Variants in FGF12 observed in about 807,000 individuals in gnomAD.
FGF12 encodes fibroblast growth factor 12B.
FGF12 carries 14 observed loss-of-function variants against 23.6 expected under a neutral mutation model. The observed-to-expected ratio is 0.59, with a 90% CI of 0.39 to 0.93. FGF12 has a LOEUF of 0.93. FGF12 is among the 40% of genes least tolerant of loss of function. FGF12 has a pLI of 0.00. For missense variants in FGF12, 175 were observed against 217.8 expected (o/e 0.80, Z 1.24); for synonymous variants, 62 against 77.3 (o/e 0.80, Z 1.04).
At chr3:192,538,781 T>A (rs1725295741) in intron 2 of FGF12, among the ~76,000 whole-genome samples, 1 of 152,244 alleles carries the variant, frequency 6.6e-6, no homozygotes, top group Non-Finnish European at 1.5e-5. Context: ...ACATGGAATA[T>A]CTTTTCATTT....
chr3:192,237,701 T>C (rs1369757365), intron 4 of FGF12, among the ~76,000 whole-genome samples: 2 of 152,216 alleles, frequency 1.3e-5, no homozygotes, highest in Non-Finnish European at 2.9e-5. Flanking sequence ...TGTTTCTTTC[T>C]TAAAATGGAT....
chr3:192,706,484 G>C (rs1718476147), intron 2 of FGF12, among the ~76,000 whole-genome samples: 1 of 152,026 alleles, frequency 6.6e-6, no homozygotes, highest in Admixed American at 6.6e-5. Flanking sequence ...TCCCCGCCCA[G>C]TGCCACTTCC....
chr3:192,707,112 C>T (rs574084870), intron 2 of FGF12, among the ~76,000 whole-genome samples: 1 of 152,322 alleles, frequency 6.6e-6, no homozygotes, highest in East Asian at 1.9e-4. Context: ...TGAAACATCT[C>T]TAACCTCAGG....
chr3:192,276,020 G>A (rs909109153), intron 4 of FGF12, among the ~76,000 whole-genome samples: 4 of 152,122 alleles, frequency 2.6e-5, no homozygotes, highest in African/African-American at 9.7e-5. Context: ...AACACCTACT[G>A]ATAAGGGATG....
At chr3:192,259,107 A>G (rs1712585771) in intron 4 of FGF12, among the ~76,000 whole-genome samples, 1 of 152,126 alleles carries the variant, frequency 6.6e-6, no homozygotes, top group African/African-American at 2.4e-5. Context: ...TCCTGTGTCA[A>G]TTCATTATAC....
chr3:192,621,494 T>G (rs1383497879), intron 2 of FGF12, among the ~76,000 whole-genome samples: 2 of 152,104 alleles, frequency 1.3e-5, no homozygotes, highest in East Asian at 3.9e-4. Flanking sequence ...GTCCCTCACT[T>G]TCCTCATAGC....
At chr3:192,290,505 T>C (rs530390681) in intron 4 of FGF12, among the ~76,000 whole-genome samples, 7 of 152,206 alleles carry the variant, frequency 4.6e-5, no homozygotes, top group East Asian at 1.9e-4. Context: ...CAAGTTACAA[T>C]GGTTAAGGGC....
chr3:192,325,442 A>T (rs1716767596), intron 4 of FGF12, among the ~76,000 whole-genome samples: 1 of 152,184 alleles, frequency 6.6e-6, no homozygotes, highest in African/African-American at 2.4e-5. Flanking sequence ...AGGCATCATT[A>T]AGTTCAAATT....
intron 2 of FGF12, among the ~76,000 whole-genome samples, chr3:192,656,663 G>A (rs1267727012): frequency 6.6e-6 from 1 of 152,114 alleles, no homozygotes; most frequent in African/African-American, 2.4e-5. Flanking sequence ...TACATATCCA[G>A]TAACAATGCC....
intron 2 of FGF12, among the ~76,000 whole-genome samples, chr3:192,399,934 G>A (rs1424510414): frequency 5.3e-5 from 8 of 152,242 alleles, no homozygotes; most frequent in African/African-American, 1.9e-4. Context: ...TGTTCAGGGT[G>A]AGGAGTGGTG....
chr3:192,507,501 T>C (rs767801599), intron 2 of FGF12, among the ~76,000 whole-genome samples: 4 of 152,162 alleles, frequency 2.6e-5, no homozygotes, highest in African/African-American at 4.8e-5. Context: ...TTTCCTAATT[T>C]GTCTTCTATA....
intron 2 of FGF12, among the ~76,000 whole-genome samples, chr3:192,513,881 C>T (rs1036726048): frequency 1.3e-5 from 2 of 152,100 alleles, no homozygotes; most frequent in African/African-American, 4.8e-5. Context: ...TTATACAAAC[C>T]TTTTAAAGAA....
chr3:192,491,865 C>T (rs1723812735), intron 2 of FGF12, among the ~76,000 whole-genome samples: 1 of 152,076 alleles, frequency 6.6e-6, no homozygotes, highest in Admixed American at 6.6e-5. Context: ...ACTAGAAAAC[C>T]ATGAATTTAC....
chr3:192,581,700 G>A (rs1713164285), intron 2 of FGF12, among the ~76,000 whole-genome samples: 1 of 151,858 alleles, frequency 6.6e-6, no homozygotes, highest in Non-Finnish European at 1.5e-5. Flanking sequence ...ATATTTTAGA[G>A]GACTTCAAAT....
chr3:192,675,706 G>T (rs1334366813), intron 2 of FGF12, among the ~76,000 whole-genome samples: 1 of 152,154 alleles, frequency 6.6e-6, no homozygotes, highest in Non-Finnish European at 1.5e-5. Flanking sequence ...GAAGAATAAT[G>T]CTCAAAGGAT....
At chr3:192,611,964 G>C (rs1714564665) in intron 2 of FGF12, among the ~76,000 whole-genome samples, 1 of 151,986 alleles carries the variant, frequency 6.6e-6, no homozygotes, top group South Asian at 2.1e-4. Flanking sequence ...TGAGTTGAGG[G>C]AGATGAGGCA....
At chr3:192,378,031 TTTCTTTCTTTCTTTC>T (rs1560091651) in intron 2 of FGF12, among the ~76,000 whole-genome samples, 2 of 41,830 alleles carry the variant, frequency 4.8e-5, no homozygotes, top group Non-Finnish European at 8.4e-5. Flanking sequence ...CTTTCTTTTC[TTTCTTTCTTTCTTTC>T]TTTCTTTCTT....
chr3:192,470,857 C>A (rs1723152856), intron 2 of FGF12, among the ~76,000 whole-genome samples: 1 of 152,140 alleles, frequency 6.6e-6, no homozygotes, highest in African/African-American at 2.4e-5. Context: ...TGAAGCATGA[C>A]CTCCTTGGGC....
rs116582937 is a variant in FGF12 at position 192,195,730 on chromosome 3, G to A, written c.229-25074C>T. On this transcript the variant is annotated intron_variant, in intron 4 of 5. Transcript: ENST00000445105. ...TCACAATGTGTGTGTGTATATATAT[G>A]TATGTATGTGTATATATGTATGTAT... Among the ~76,000 whole-genome samples the A allele has an allele frequency of 2.2e-3, 342 of 152,088 alleles. 3 individuals carry two copies. Among genetic ancestry groups the A allele is most frequent in the African/African-American group, 7.5e-3 (310 of 41,474 alleles).
Sources: allele counts gnomAD v4.1 joint callset (sites outside exome capture counted in the v4.1 genomes callset), GRCh38; gene constraint gnomAD v4.1.1; transcripts MANE v1.5; gene names NCBI Gene and HGNC (gene_info 2026-07-23, HGNC 2026-07-21).